Variants in GSPT1 observed in about 807,000 individuals in gnomAD.
GSPT1 encodes G1 to S phase transition 1.
In GSPT1, 20 loss-of-function variants were observed where a neutral mutation model predicts 72.5. The ratio of observed to expected loss-of-function variants is 0.28; its 90% confidence interval spans 0.19 to 0.40. The LOEUF (loss-of-function observed/expected upper bound fraction) is 0.40, where lower values mean the gene tolerates loss of function less well. GSPT1 is among the 10% of genes least tolerant of loss of function. The pLI is 1.00. For synonymous variants in GSPT1, 334 were observed against 293.5 expected (o/e 1.14, Z -1.41); for missense variants, 580 against 811.9 (o/e 0.71, Z 3.47).
At chr16:11,879,158 A>G (rs1384790077) in intron 11 of GSPT1, among the ~76,000 whole-genome samples, 2 of 151,566 alleles carry the variant, frequency 1.3e-5, no homozygotes, top group East Asian at 3.9e-4. Context: ...GCACTTTGGG[A>G]GGCCAAGGTG....
rs149219146 is a variant in GSPT1 at position 11,911,169 on chromosome 16, A to G, written c.352+4200T>C. Among the ~76,000 whole-genome samples, 84 of 152,236 alleles carry G rather than the reference A, an allele frequency of 5.5e-4. 1 individual carries two copies. The East Asian group carries it at 0.014, about 26-fold the overall frequency. ...AAATACAGAATCTTACCTATTATCT[A>G]CCTCAACAGATAGAATTTAACATAT... On this transcript the variant is annotated intron_variant, in intron 1 of 14. Transcript: ENST00000434724.
intron 1 of GSPT1, among the ~76,000 whole-genome samples, chr16:11,905,390 A>G (rs1194230601): frequency 2.0e-5 from 3 of 152,210 alleles, no homozygotes; most frequent in African/African-American, 4.8e-5. Flanking sequence ...TACACTTTGG[A>G]TAACAGTTCT....
intron 3 of GSPT1, 49 bp downstream of exon 3, chr16:11,897,785 TTGAGAG>T (rs2054358334): frequency 2.3e-6 from 2 of 865,378 alleles, no homozygotes; most frequent in African/African-American, 1.7e-5. Flanking sequence ...ACCTTAAATC[TTGAGAG>T]TGAAAGAGTT....
At chr16:11,897,392 C>G (rs1333434127) in intron 3 of GSPT1, among the ~76,000 whole-genome samples, 1 of 152,096 alleles carries the variant, frequency 6.6e-6, no homozygotes, top group East Asian at 1.9e-4. Context: ...CGAGACCATC[C>G]TGATCAACAT....
At chr16:11,890,950 T>C in intron 6 of GSPT1, 112 bp downstream of exon 6, 1 of 616,502 alleles carries the variant, frequency 1.6e-6, no homozygotes, top group Non-Finnish European at 2.9e-6. Context: ...ATTTCCTTTG[T>C]TGTGATACGA....
Position 11,892,556 on chromosome 16 carries a change from C to T in GSPT1, c.699-1417G>A, listed in dbSNP as rs1433453933. Among the ~76,000 whole-genome samples the T allele has an allele frequency of 9.0e-5, 13 of 144,950 alleles. No individual in the cohort carries two copies. In the South Asian group the frequency reaches 2.6e-3, roughly 29 times the overall value. On this transcript the variant is annotated intron_variant, in intron 5 of 14. Coordinates refer to ENST00000434724, the MANE Select transcript of GSPT1 (RefSeq NM_002094.4). ...ACAAAAAATAAAAAATGGCCGGGCA[C>T]GGTGGCTCAGGCCTATAATCCCAGC...
chr16:11,891,256 T>C, intron 5 of GSPT1, 117 bp from the exon 6 acceptor site: 1 of 397,634 alleles, frequency 2.5e-6, no homozygotes, highest in Non-Finnish European at 4.4e-6. Context: ...ATTTTATATG[T>C]GTGTGTCTGT....
intron 5 of GSPT1, among the ~76,000 whole-genome samples, chr16:11,892,506 C>CAAAAAAAAAAAAAAAAAAAAAAAAA (rs777010436): frequency 1.7e-5 from 1 of 60,256 alleles, no homozygotes; most frequent in African/African-American, 8.0e-5. Context: ...GACCCTTTCT[C>CAAAAAAAAAAAAAAAAAAAAAAAAA]AAAAAAACAA....
intron 11 of GSPT1, 81 bp downstream of exon 11, chr16:11,882,934 G>C: frequency 1.2e-6 from 1 of 864,142 alleles, no homozygotes; most frequent in Non-Finnish European, 1.9e-6. Context: ...TCCTGCCTCG[G>C]TGACAGAAGA....
chr16:11,876,335 T>C (rs2054045893), intron 12 of GSPT1, among the ~76,000 whole-genome samples, 160 bp from the exon 13 acceptor site: 1 of 152,204 alleles, frequency 6.6e-6, no homozygotes, highest in Non-Finnish European at 1.5e-5. Flanking sequence ...GTCTTACTAA[T>C]TTTGTTCACA....
At chr16:11,910,495 T>C (rs1274779499) in intron 1 of GSPT1, among the ~76,000 whole-genome samples, 2 of 152,204 alleles carry the variant, frequency 1.3e-5, no homozygotes, top group Non-Finnish European at 2.9e-5. Context: ...CGCTAGTACA[T>C]ATATCTGAGC....
chr16:11,879,084 T>TA (rs1486496655), intron 11 of GSPT1, among the ~76,000 whole-genome samples: 4 of 68,342 alleles, frequency 5.9e-5, no homozygotes, highest in Admixed American at 1.9e-4. Context: ...CTCCAAAAAA[T>TA]AAAAAATAAT....
intron 4 of GSPT1, 57 bp from the exon 5 acceptor site, chr16:11,895,044 T>C (rs2141299532): frequency 1.9e-6 from 2 of 1,073,222 alleles, no homozygotes; most frequent in African/African-American, 1.5e-5. Context: ...AATGGCTAAA[T>C]ATGCAAACAA....
chr16:11,876,253 T>G, intron 12 of GSPT1, 78 bp from the exon 13 acceptor site: 1 of 886,462 alleles, frequency 1.1e-6, no homozygotes, highest in South Asian at 1.4e-5. Context: ...GCCATATAAA[T>G]CCCAAGAATT....
At chr16:11,886,176 A>T (rs940483101) in intron 9 of GSPT1, among the ~76,000 whole-genome samples, 1 of 152,158 alleles carries the variant, frequency 6.6e-6, no homozygotes, top group Non-Finnish European at 1.5e-5. Context: ...AAAAAAGGCA[A>T]TCCATAAAGT....
intron 1 of GSPT1, among the ~76,000 whole-genome samples, chr16:11,905,519 A>T (rs996689602): frequency 6.6e-6 from 1 of 151,938 alleles, no homozygotes; most frequent in African/African-American, 2.4e-5. Flanking sequence ...AGGACATGAC[A>T]CCTCTTTAAA....
chr16:11,882,999 C>T lies in GSPT1; in HGVS notation c.1428+16G>A, dbSNP rs375658616. The T allele has an allele frequency of 2.0e-6, 3 of 1,503,730 alleles. No homozygotes were observed. The highest frequency in any genetic ancestry group is 2.7e-5 in the African/African-American group (2 of 72,932). 93.1% of individuals were successfully genotyped at this position (1,503,730 alleles called of 1,614,324 possible). A position where few individuals can be genotyped will look rare whatever the true frequency, so the allele number is the denominator to read the frequency against. ...AAATCAATAAATAGATAGGAAACAG[C>T]ATAACCGATTCTTACCTTGTTTGGC... On this transcript the variant is annotated intron_variant, in intron 11 of 14. Coordinates refer to ENST00000434724, the MANE Select transcript of GSPT1 (RefSeq NM_002094.4).
At chr16:11,903,163 A>T (rs190540644) in intron 1 of GSPT1, among the ~76,000 whole-genome samples, 24 of 152,274 alleles carry the variant, frequency 1.6e-4, no homozygotes, top group Middle Eastern at 3.4e-3. Flanking sequence ...TGTCAATGGA[A>T]TCATAGAATA....
intron 1 of GSPT1, among the ~76,000 whole-genome samples, chr16:11,901,067 C>T (rs1183087641): frequency 4.6e-5 from 7 of 152,126 alleles, no homozygotes; most frequent in East Asian, 1.9e-4. Flanking sequence ...CCAGCTGCTC[C>T]GGGGGCTGAG....
Sources: gnomAD v4.1 joint callset for allele counts (sites outside exome capture counted in the v4.1 genomes callset) on GRCh38, gnomAD v4.1.1 for gene constraint, MANE v1.5 for transcripts, NCBI Gene and HGNC (gene_info 2026-07-23, HGNC 2026-07-21) for gene names.